Variants in LRRC9 observed in about 807,000 individuals in gnomAD.
LRRC9 encodes leucine-rich repeat-containing protein 9.
In LRRC9, 122 loss-of-function variants were observed where a neutral mutation model predicts 63.2. That is an observed-to-expected ratio of 1.93 (90% CI 1.67 to 2.24). LRRC9 has a LOEUF of 2.24. LRRC9 is among the 30% of genes most tolerant of loss of function. LRRC9 has a pLI of 0.00. For missense variants in LRRC9, 1,071 were observed against 627.7 expected (o/e 1.71, Z -7.55); for synonymous variants, 366 against 213.1 (o/e 1.72, Z -6.25).
intron 7 of LRRC9, among the ~76,000 whole-genome samples, chr14:59,939,296 G>C (rs1262660429): frequency 6.6e-6 from 1 of 151,910 alleles, no homozygotes; most frequent in Non-Finnish European, 1.5e-5. Flanking sequence ...GAGGACATCA[G>C]GGGAAGAGAA....
chr14:60,016,885 A>G (rs768150105), intron 24 of LRRC9, 95 bp downstream of exon 24: 7 of 527,588 alleles, frequency 1.3e-5, no homozygotes, highest in Non-Finnish European at 2.1e-5. Flanking sequence ...ACTTACCTAA[A>G]TATAATCAAT....
At chr14:60,050,467 ATTGTT>A (rs1318237257) in intron 29 of LRRC9, among the ~76,000 whole-genome samples, 1 of 152,030 alleles carries the variant, frequency 6.6e-6, no homozygotes, top group African/African-American at 2.4e-5. Flanking sequence ...CAGCTCCTGT[ATTGTT>A]TTATTATGTT....
At chr14:60,002,284 C>A (rs1006219655) in intron 20 of LRRC9, among the ~76,000 whole-genome samples, 184 bp downstream of exon 20, 4 of 152,174 alleles carry the variant, frequency 2.6e-5, no homozygotes, top group Non-Finnish European at 5.9e-5. Context: ...GTATACAATA[C>A]CGTATCGTTA....
At chr14:59,983,228 T>C (rs219336) in intron 16 of LRRC9, among the ~76,000 whole-genome samples, 113,383 of 152,014 alleles carry the variant, frequency 0.75, 44,433 homozygotes, top group Non-Finnish European at 0.87. Context: ...CTTTGGGTGT[T>C]ATTCATTATA....
intron 10 of LRRC9, among the ~76,000 whole-genome samples, chr14:59,965,614 G>GC: frequency 6.6e-6 from 1 of 152,006 alleles, no homozygotes; most frequent in East Asian, 2.0e-4. Context: ...GGCCGGGCGC[G>GC]GTGGCTCACG....
intron 17 of LRRC9, among the ~76,000 whole-genome samples, chr14:59,995,670 G>A (rs916873571): frequency 6.6e-6 from 1 of 151,182 alleles, no homozygotes; most frequent in African/African-American, 2.4e-5. Context: ...TTTATATCCT[G>A]AAGATAACAG....
intron 30 of LRRC9, among the ~76,000 whole-genome samples, chr14:60,056,922 A>G (rs1430473551): frequency 6.6e-6 from 1 of 152,162 alleles, no homozygotes; most frequent in East Asian, 1.9e-4. Context: ...GTTCTTTTAA[A>G]CCAAAACATT....
At chr14:60,062,207 A>C (rs1894698836) in intron 31 of LRRC9, 28 bp downstream of exon 32, 1 of 398,438 alleles carries the variant, frequency 2.5e-6, no homozygotes, top group East Asian at 3.6e-5. Flanking sequence ...GTGTTTTAAT[A>C]TCATTTCTCA....
chr14:59,981,960 TAAA>T, exon 16 of LRRC9: 1 of 702,616 alleles, frequency 1.4e-6, no homozygotes, highest in Non-Finnish European at 2.6e-6. Context: ...GATGAAGTTA[TAAA>T]AATGGAGCCC....
intron 29 of LRRC9, among the ~76,000 whole-genome samples, chr14:60,041,950 G>T (rs1387102949): frequency 1.3e-5 from 2 of 152,266 alleles, no homozygotes; most frequent in East Asian, 3.9e-4. Flanking sequence ...CTTTCTGTTT[G>T]TTAGTTTTCT....
chr14:60,064,744 G>C (rs1894840672), downstream of LRRC9, among the ~76,000 whole-genome samples: 1 of 152,140 alleles, frequency 6.6e-6, no homozygotes, highest in Non-Finnish European at 1.5e-5. Context: ...TGTTGTGACA[G>C]TCTACTCTTC....
intron 16 of LRRC9, among the ~76,000 whole-genome samples, chr14:59,983,928 A>C (rs191589208): frequency 6.6e-6 from 1 of 152,332 alleles, no homozygotes; most frequent in Non-Finnish European, 1.5e-5. Context: ...AAATCCATTC[A>C]TTTCTTCACT....
At chr14:60,023,017 T>C (rs1422368587) in intron 27 of LRRC9, 147 bp downstream of exon 27, 2 of 407,026 alleles carry the variant, frequency 4.9e-6, no homozygotes, top group African/African-American at 2.1e-5. Flanking sequence ...TTGATTTTTC[T>C]TGGTTACTTA....
intron 28 of LRRC9, among the ~76,000 whole-genome samples, chr14:60,029,710 C>T (rs1417312684): frequency 6.6e-6 from 1 of 152,078 alleles, no homozygotes; most frequent in Non-Finnish European, 1.5e-5. Context: ...AACAACCATA[C>T]TTAGTCAAGC....
rs192386933 is a variant in LRRC9 at position 60,037,991 on chromosome 14, C to T, written c.3990+5928C>T. Among the ~76,000 whole-genome samples, 120 of 152,316 alleles carry T rather than the reference C, an allele frequency of 7.9e-4. 1 individual carries two copies. Among genetic ancestry groups the T allele is most frequent in the East Asian group, 5.8e-3 (30 of 5,188 alleles). ...TTTCAGCTTTCTCCATATGGCCAGC[C>T]AGTTTTCCCAGCACCATTTATTAAA... On this transcript the variant is annotated intron_variant, in intron 29 of 31. Coordinates refer to ENST00000445360, the Ensembl canonical transcript of LRRC9.
At chr14:60,048,387 T>G (rs1893613373) in intron 29 of LRRC9, among the ~76,000 whole-genome samples, 1 of 151,868 alleles carries the variant, frequency 6.6e-6, no homozygotes, top group Non-Finnish European at 1.5e-5. Flanking sequence ...ATAGATAGAC[T>G]GCTAACTAGA....
rs1022146212 is a variant in LRRC9 at position 59,928,420 on chromosome 14, A to G, written c.201A>G (p.Lys67=). 2.9e-5 allele frequency: 20 copies of G among 697,594 alleles called. No homozygotes were observed. In the Admixed American group the frequency reaches 3.0e-4, roughly 11 times the overall value. 43.2% of individuals were successfully genotyped at this position (697,594 alleles called of 1,614,324 possible). A position where few individuals can be genotyped will look rare whatever the true frequency, so the allele number is the denominator to read the frequency against. Residue 67 remains lysine, a synonymous_variant, in exon 3 of 32, where the codon AAA becomes AAG. Transcript: ENST00000445360. ...TTACCATTGTTGCTCAAGATATAAA[A>G]GAAATTTCAGGGTTAGAGCCTTGTT... is the stretch of plus-strand genomic sequence containing the variant.
At chr14:60,032,962 T>G (rs1892114510) in intron 29 of LRRC9, among the ~76,000 whole-genome samples, 1 of 152,150 alleles carries the variant, frequency 6.6e-6, no homozygotes, top group African/African-American at 2.4e-5. Flanking sequence ...CCCTAATATT[T>G]ATAGTATTCA....
rs1349732113 is a variant in LRRC9 at position 60,042,775 on chromosome 14, T to C, written c.3991-10290T>C. On this transcript the variant is annotated intron_variant, in intron 29 of 31. Transcript: ENST00000445360. This position sits in a 1 kb window ranked among gnomAD's most constrained non-coding sequence, Gnocchi z 4.2. ...TATTGTCCGACAAGCCCCAGTGAGA[T>C]GAACACAGTACCTCAGTTGGAAATG... Among the ~76,000 whole-genome samples, 4 of 152,288 alleles carry C rather than the reference T, an allele frequency of 2.6e-5. No homozygotes were observed. In the South Asian group the frequency reaches 8.3e-4, roughly 32 times the overall value.
Sources: allele counts gnomAD v4.1 joint callset (sites outside exome capture counted in the v4.1 genomes callset), GRCh38; gene constraint gnomAD v4.1.1; non-coding constraint Gnocchi (gnomAD v3.1); transcripts MANE v1.5; gene names NCBI Gene and HGNC (gene_info 2026-07-23, HGNC 2026-07-21).